SAXO1: variants seen among roughly 807,000 people sequenced by gnomAD.
SAXO1 encodes stabilizer of axonemal microtubules 1.
Under a neutral mutation model 17.5 loss-of-function variants are expected in SAXO1, and 21 were observed. The observed-to-expected ratio is 1.20, with a 90% confidence interval of 0.85 to 1.72. The LOEUF is 1.72. SAXO1 is among the 40% of genes most tolerant of loss of function. SAXO1 has a pLI of 0.00. For missense variants in SAXO1, 843 were observed against 596.0 expected, an observed-to-expected ratio of 1.41 and a Z score of -4.32; for synonymous variants, 274 against 216.5, an observed-to-expected ratio of 1.27 and a Z score of -2.33.
At chr9:18,970,587 A>G (rs1023140551) in intron 1 of SAXO1, among the ~76,000 whole-genome samples, 4 of 152,212 alleles carry the variant, frequency 2.6e-5, no homozygotes, top group Admixed American at 1.3e-4. Context: ...ACCCAAATCT[A>G]TCTACACGCA....
intron 3 of SAXO1, among the ~76,000 whole-genome samples, chr9:18,934,260 T>C (rs866989041): frequency 5.8e-4 from 89 of 152,188 alleles, no homozygotes; most frequent in Admixed American, 4.4e-3. Flanking sequence ...CAGCCATTAA[T>C]CTATCATTTT....
At chr9:19,002,154 G>A (rs1384778495) in intron 1 of SAXO1, among the ~76,000 whole-genome samples, 1 of 152,128 alleles carries the variant, frequency 6.6e-6, no homozygotes, top group Non-Finnish European at 1.5e-5. Flanking sequence ...GGAAGAAATC[G>A]ATAAATTCCT....
chr9:19,028,011 G>T, intron 1 of SAXO1: 2 of 1,606,428 alleles, frequency 1.2e-6, no homozygotes, highest in Non-Finnish European at 1.7e-6. Context: ...GCAAGGCTGT[G>T]TCTGTGGAGG....
chr9:18,984,546 T>C lies in SAXO1; in HGVS notation c.39-33609A>G, dbSNP rs562293027. ...TCCTGCTTCAACTTGCACTTTTATGTTGTAAAGAAGGCTTCTTTCCTTAAA... is the reference window on the plus strand; with the variant it reads ...TCCTGCTTCAACTTGCACTTTTATGCTGTAAAGAAGGCTTCTTTCCTTAAA... On this transcript the variant is annotated intron_variant, in intron 1 of 3. Coordinates refer to ENST00000380534, the MANE Select transcript of SAXO1 (RefSeq NM_153707.4). Among the ~76,000 whole-genome samples the C allele has an allele frequency of 2.6e-5, 4 of 152,368 alleles. No individual in the cohort carries two copies. In the South Asian group the frequency reaches 6.2e-4, roughly 24 times the overall value.
upstream of SAXO1, among the ~76,000 whole-genome samples, chr9:19,037,594 C>G (rs1835973996): frequency 1.3e-5 from 2 of 152,152 alleles, no homozygotes; most frequent in African/African-American, 2.4e-5. Context: ...GTGCCTTTCA[C>G]CTCCCGCCAT....
rs527361219 is a variant in SAXO1 at position 19,001,599 on chromosome 9, G to A, written c.38+31272C>T. 3.1e-3 allele frequency among the ~76,000 whole-genome samples: 478 copies of A among 151,822 alleles called. 11 individuals are homozygous for A. The South Asian group carries it at 0.044, about 14-fold the overall frequency. Reference sequence around the variant, plus strand: ...GGAGAATGGCATGAACCCGGGAGGCGGAGCTTGCACTGAGCCGAGATCGCG... The same window carrying A: ...GGAGAATGGCATGAACCCGGGAGGCAGAGCTTGCACTGAGCCGAGATCGCG... On this transcript the variant is annotated intron_variant, in intron 1 of 3. Coordinates refer to ENST00000380534, the MANE Select transcript of SAXO1 (RefSeq NM_153707.4).
At chr9:18,970,107 G>A (rs1266578084) in intron 1 of SAXO1, among the ~76,000 whole-genome samples, 1 of 152,202 alleles carries the variant, frequency 6.6e-6, no homozygotes, top group Non-Finnish European at 1.5e-5. Context: ...CAGTGAGCAT[G>A]GCTGATACTT....
chr9:18,972,032 GT>G (rs1341398094), intron 1 of SAXO1, among the ~76,000 whole-genome samples: 2 of 152,138 alleles, frequency 1.3e-5, no homozygotes, highest in African/African-American at 2.4e-5. Flanking sequence ...TGTACTTTTG[GT>G]TTATATGTTT....
intron 1 of SAXO1, among the ~76,000 whole-genome samples, chr9:19,023,418 TA>T (rs1383038472): frequency 6.6e-6 from 1 of 152,144 alleles, no homozygotes; most frequent in African/African-American, 2.4e-5. Context: ...ATCCTCTCAA[TA>T]ACTCTGTTGA....
chr9:18,934,317 G>A (rs1184422123), intron 3 of SAXO1, among the ~76,000 whole-genome samples: 1 of 151,856 alleles, frequency 6.6e-6, no homozygotes, highest in Non-Finnish European at 1.5e-5. Context: ...GAGTATGTTA[G>A]TACACTTTAT....
intron 1 of SAXO1, among the ~76,000 whole-genome samples, chr9:19,020,851 G>A (rs1835201020): frequency 6.6e-6 from 1 of 152,146 alleles, no homozygotes; most frequent in South Asian, 2.1e-4. Flanking sequence ...TAACAATGGT[G>A]ACATTGTTTT....
At chr9:19,048,126 T>C (rs926675173) in intron 1 of SAXO1, among the ~76,000 whole-genome samples, 7 of 152,212 alleles carry the variant, frequency 4.6e-5, no homozygotes, top group Non-Finnish European at 1.0e-4. Context: ...TTTGAATAAA[T>C]GAAAGAATGG....
At position 19,017,668 on chromosome 9, in the gene SAXO1, A is replaced by C. The variant is rs114936230; in HGVS notation, c.38+15203T>G. Among the ~76,000 whole-genome samples, 366 of 152,346 alleles carry C rather than the reference A, an allele frequency of 2.4e-3. 1 individual carries two copies. Among genetic ancestry groups the C allele is most frequent in the African/African-American group, 8.2e-3 (342 of 41,574 alleles). The stretch of plus-strand genomic sequence containing the variant: ...CTTTTGCTTAAACAAACCAGTGTCC[A>C]TTTTAGTTACTTCAACCAAGAATCC... On this transcript the variant is annotated intron_variant, in intron 1 of 3. Coordinates refer to ENST00000380534, the MANE Select transcript of SAXO1 (RefSeq NM_153707.4).
chr9:18,943,330 C>T (rs7855828), intron 2 of SAXO1, among the ~76,000 whole-genome samples: 21,392 of 152,162 alleles, frequency 0.14, 2,847 homozygotes, highest in African/African-American at 0.35. Flanking sequence ...CTGCTGTTAG[C>T]CTGAAGTGTC....
chr9:18,956,853 C>T (rs10963868), intron 1 of SAXO1, among the ~76,000 whole-genome samples: 10,704 of 152,234 alleles, frequency 0.07, 488 homozygotes, highest in African/African-American at 0.14. Flanking sequence ...CACAGCAATG[C>T]GATGAGCGAG....
rs1347243651 is a variant in SAXO1 at position 19,033,158 on chromosome 9, G to A, written c.-250C>T. 3 of 440,914 alleles carry A rather than the reference G, an allele frequency of 6.8e-6. No individual in the cohort carries two copies. The highest frequency in any genetic ancestry group is 1.2e-5 in the Non-Finnish European group (3 of 248,994). The allele number at this position is 440,914 out of a possible 1,614,324, so 27.3% of individuals were successfully genotyped here. On this transcript the variant is annotated 5_prime_UTR_variant, in exon 1 of 4. Transcript: ENST00000380534. ...CAGCCCGGGAGACCTCACCCTGCAC[G>A]CCACCGCCCCGGCCTCCGCAGTCCA...
At chr9:18,929,292 T>C (rs1266761354) in intron 3 of SAXO1, among the ~76,000 whole-genome samples, 2 of 152,198 alleles carry the variant, frequency 1.3e-5, no homozygotes, top group African/African-American at 2.4e-5. Context: ...CAATACTGCA[T>C]GCAGGGATCT....
intron 1 of SAXO1, among the ~76,000 whole-genome samples, chr9:19,028,722 A>G (rs945460836): frequency 6.6e-6 from 1 of 152,220 alleles, no homozygotes; most frequent in African/African-American, 2.4e-5. Flanking sequence ...TGTGGAGGCA[A>G]AGCCTTGAGC....
intron 1 of SAXO1, among the ~76,000 whole-genome samples, chr9:18,975,439 C>T (rs1833107804): frequency 6.6e-6 from 1 of 152,178 alleles, no homozygotes; most frequent in African/African-American, 2.4e-5. Flanking sequence ...CTTCAGAGCA[C>T]ACCCATTTCA....
Sources: gnomAD v4.1 joint callset for allele counts (sites outside exome capture counted in the v4.1 genomes callset) on GRCh38, gnomAD v4.1.1 for gene constraint, MANE v1.5 for transcripts, NCBI Gene and HGNC (gene_info 2026-07-23, HGNC 2026-07-21) for gene names.